Variants in TIMM10 observed in about 807,000 individuals in gnomAD.
The protein encoded by TIMM10 is mitochondrial import inner membrane translocase subunit Tim10.
A neutral mutation model predicts 9.1 loss-of-function variants in TIMM10; 13 were observed. That is an observed-to-expected ratio of 1.42 (90% confidence interval 0.93 to 2.26). The LOEUF (loss-of-function observed/expected upper bound fraction) is 2.26. Among genes scored for constraint, TIMM10 ranks in the 30% most tolerant of loss-of-function variants. The pLI is 0.00. For synonymous variants in TIMM10, 40 were observed against 42.1 expected (o/e 0.95, Z 0.20); for missense variants, 82 against 113.6 (o/e 0.72, Z 1.26).
At position 57,528,673 on chromosome 11, in the gene TIMM10, G is replaced by C; in HGVS notation, c.*44C>G. ...CAACAGGGAGCACGTTTATTAAAGT[G>C]GGAAGGGGTGGGGTACACCCCAGGG... On this transcript the variant is annotated 3_prime_UTR_variant, in exon 3 of 3. Coordinates refer to ENST00000257245, the MANE Select transcript of TIMM10 (RefSeq NM_012456.3). 6.3e-7 allele frequency: 1 copy of C among 1,596,530 alleles called. No individual in the cohort carries two copies. The highest frequency in any genetic ancestry group is 8.6e-7 in the Non-Finnish European group (1 of 1,165,894).
rs151056856 is a variant in TIMM10, at chr11:57,529,645, T to G, written c.71+474A>C. Among the ~76,000 whole-genome samples, 37 of 152,338 alleles carry G rather than the reference T, an allele frequency of 2.4e-4. No homozygotes were observed. In the East Asian group the frequency reaches 6.0e-3, roughly 25 times the overall value. On this transcript the variant is annotated intron_variant, in intron 2 of 2. Coordinates refer to ENST00000257245, the MANE Select transcript of TIMM10 (RefSeq NM_012456.3). The stretch of plus-strand genomic sequence containing the variant: ...GACTGAGGTGCTAGTTCTGGCATTG[T>G]TACTGACCAGCTGCCGACCCTAAGG...
intron 2 of TIMM10, 89 bp downstream of exon 2, chr11:57,530,030 C>T: frequency 6.8e-7 from 1 of 1,477,764 alleles, no homozygotes; most frequent in Non-Finnish European, 9.4e-7. Flanking sequence ...CCCCTACATT[C>T]AGGAAGGAAT....
chr11:57,530,017 G>T, intron 2 of TIMM10, 102 bp downstream of exon 2: 1 of 1,331,094 alleles, frequency 7.5e-7, no homozygotes, highest in East Asian at 2.4e-5. Context: ...TGGGCCTCAG[G>T]CTCCCCTACA....
Position 57,528,590 on chromosome 11 carries a change from G to A in TIMM10, c.*127C>T, listed in dbSNP as rs1197410615. 6 of 837,504 alleles carry A rather than the reference G, an allele frequency of 7.2e-6. No homozygotes were observed. Among genetic ancestry groups the A allele is most frequent in the East Asian group, 2.7e-5 (1 of 37,446 alleles). 51.9% of individuals were successfully genotyped at this position (837,504 alleles called of 1,614,324 possible). A position where few individuals can be genotyped will look rare whatever the true frequency, so the allele number is the denominator to read the frequency against. On this transcript the variant is annotated 3_prime_UTR_variant, in exon 3 of 3. Coordinates refer to ENST00000257245, the MANE Select transcript of TIMM10 (RefSeq NM_012456.3). The stretch of plus-strand genomic sequence containing the variant: ...CACCAGGAGACAGCGCTACCACTCC[G>A]GGATCTTGAAGACTCTCTACAGAGA...
Position 57,528,510 on chromosome 11 carries a change from T to C in TIMM10, c.*207A>G, listed in dbSNP as rs372263572. The C allele has an allele frequency of 2.0e-5, 4 of 204,916 alleles. No homozygotes were observed. Among genetic ancestry groups the C allele is most frequent in the African/African-American group, 7.6e-5 (2 of 26,224 alleles). The allele number at this position is 204,916 out of a possible 1,614,324, so 12.7% of individuals were successfully genotyped here. The stretch of plus-strand genomic sequence containing the variant: ...ATATATATATATATATATATATATA[T>C]ATATATACACATACATACACACACA... On this transcript the variant is annotated 3_prime_UTR_variant, in exon 3 of 3. Transcript: ENST00000257245.
chr11:57,529,714 C>T (rs902618557), intron 2 of TIMM10, among the ~76,000 whole-genome samples: 7 of 152,136 alleles, frequency 4.6e-5, no homozygotes, highest in Non-Finnish European at 8.8e-5. Flanking sequence ...CATTTTAAGA[C>T]GGGACTAATA....
rs1162261912 is a variant in TIMM10 at position 57,530,605 on chromosome 11, T to C, written c.-46+53A>G. ...CAGCCCAAAGGCTACACCTCTGAAA[T>C]GGCGACGCCATCATCAGGGCCACAT... On this transcript the variant is annotated intron_variant, in intron 1 of 2. Transcript: ENST00000257245. 7 of 187,808 alleles carry C rather than the reference T, an allele frequency of 3.7e-5. No individual in the cohort carries two copies. The South Asian group carries it at 6.1e-4, about 16-fold the overall frequency. 11.6% of individuals were successfully genotyped at this position (187,808 alleles called of 1,614,324 possible).
rs751163843 is a variant in TIMM10 at position 57,528,757 on chromosome 11, T to C, written c.233A>G (p.Glu78Gly). 6.2e-7 allele frequency: 1 copy of C among 1,614,012 alleles called. No homozygotes were observed. The highest frequency in any genetic ancestry group is 1.1e-5 in the South Asian group (1 of 91,070). The change falls in exon 3 of 3, where the codon GAG (glutamate) becomes GGG (glycine). Residue 78 changes from glutamate (E) to glycine (G), a missense_variant. Glu to Gly is a moderately conservative substitution (Grantham distance 98). Transcript: ENST00000257245. ...GCTCTGCTGCACCCTCTTCATCAGC[T>C]CTTCATCCTGCATAGACAACTCTGT... ...KLTELSMQDEELMKRVQQSSG... is the reference protein window; with the variant it reads ...KLTELSMQDEGLMKRVQQSSG...
rs775172964 is a variant in TIMM10, at chr11:57,530,197, T to C, written c.-8A>G. 5.0e-6 allele frequency: 8 copies of C among 1,613,888 alleles called. No homozygotes were observed. The highest frequency in any genetic ancestry group is 6.8e-6 in the Non-Finnish European group (8 of 1,179,950). On this transcript the variant is annotated 5_prime_UTR_variant, in exon 2 of 3. Transcript: ENST00000257245. ...GGCCCTGAGAGGATCCATCTCAGCCTAGCACCGTGGAAGGGATCTCCTTCT... is the reference window on the plus strand; with the variant it reads ...GGCCCTGAGAGGATCCATCTCAGCCCAGCACCGTGGAAGGGATCTCCTTCT...
chr11:57,529,185 T>C (rs990320967), intron 2 of TIMM10, among the ~76,000 whole-genome samples: 4 of 152,236 alleles, frequency 2.6e-5, no homozygotes, highest in African/African-American at 9.6e-5. Context: ...TGTTATGCAA[T>C]GCTTACAATA....
At position 57,530,260 on chromosome 11, in the gene TIMM10, C is replaced by T. The variant is rs556163781; in HGVS notation, c.-45-26G>A. 11 of 1,512,680 alleles carry T rather than the reference C, an allele frequency of 7.3e-6. No homozygotes were observed. In the African/African-American group the frequency reaches 1.1e-4, roughly 15 times the overall value. The allele number at this position is 1,512,680 out of a possible 1,614,324, so 93.7% of individuals were successfully genotyped here. On this transcript the variant is annotated intron_variant, in intron 1 of 2. Coordinates refer to ENST00000257245, the MANE Select transcript of TIMM10 (RefSeq NM_012456.3). ...CTGGGAGCAGACATCACCATCAGCA[C>T]CCACCGCCGCCGTTCACTCTCCTAC...
intron 1 of TIMM10, 178 bp from the exon 2 acceptor site, chr11:57,530,412 C>T: frequency 1.9e-6 from 1 of 525,624 alleles, no homozygotes; most frequent in Non-Finnish European, 3.5e-6. Context: ...TCGCACAGGA[C>T]GTCTATGGCG....
chr11:57,529,316 C>T (rs1944777831), intron 2 of TIMM10, among the ~76,000 whole-genome samples: 1 of 152,222 alleles, frequency 6.6e-6, no homozygotes, highest in Non-Finnish European at 1.5e-5. Context: ...ACCTCACAGT[C>T]TACACTTAAA....
In TIMM10 at chr11:57,530,754, T is replaced by C. The variant is rs888375448; in HGVS notation, c.-142A>G. On this transcript the variant is annotated 5_prime_UTR_variant, in exon 1 of 3. Coordinates refer to ENST00000257245, the MANE Select transcript of TIMM10 (RefSeq NM_012456.3). ...CCCGAGAGGCTCCAGCGGAAGCACG[T>C]GGGTTACTTCCGGGAGGAAAGTCCC... The C allele has an allele frequency of 6.6e-6, 1 of 152,514 alleles. No homozygotes were observed. The highest frequency in any genetic ancestry group is 1.5e-5 in the Non-Finnish European group (1 of 68,042). 9.4% of individuals were successfully genotyped at this position (152,514 alleles called of 1,614,324 possible).
At position 57,528,761 on chromosome 11, in the gene TIMM10, C is replaced by T; in HGVS notation, c.229G>A (p.Glu77Lys). Residue 77 changes from glutamate to lysine, a missense_variant, in exon 3 of 3, where the codon GAA becomes AAA. By Grantham distance (56) the Glu-to-Lys change is moderately conservative. Transcript: ENST00000257245. ...TGCTGCACCCTCTTCATCAGCTCTT[C>T]ATCCTGCATAGACAACTCTGTCAAC... ...KKLTELSMQD[E>K]ELMKRVQQSS... The T allele has an allele frequency of 6.2e-7, 1 of 1,614,070 alleles. No individual in the cohort carries two copies. The highest frequency in any genetic ancestry group is 8.5e-7 in the Non-Finnish European group (1 of 1,180,026).
At position 57,528,678 on chromosome 11, in the gene TIMM10, G is replaced by A. The variant is rs745894555; in HGVS notation, c.*39C>T. 4 of 1,599,952 alleles carry A rather than the reference G, an allele frequency of 2.5e-6. No individual in the cohort carries two copies. The highest frequency in any genetic ancestry group is 2.2e-5 in the East Asian group (1 of 44,784). ...GGGAGCACGTTTATTAAAGTGGGAA[G>A]GGGTGGGGTACACCCCAGGGTGTAT... On this transcript the variant is annotated 3_prime_UTR_variant, in exon 3 of 3. Coordinates refer to ENST00000257245, the MANE Select transcript of TIMM10 (RefSeq NM_012456.3).
rs917677797 is a variant in TIMM10, at chr11:57,528,469, G to A, written c.*248C>T. ...GCACACTGCTTTGCACATAGTAGGTGTCAACAAACTTGTTTATATATATAT... is the reference window on the plus strand; with the variant it reads ...GCACACTGCTTTGCACATAGTAGGTATCAACAAACTTGTTTATATATATAT... On this transcript the variant is annotated 3_prime_UTR_variant, in exon 3 of 3. Transcript: ENST00000257245. 17 of 160,956 alleles carry A rather than the reference G, an allele frequency of 1.1e-4. No homozygotes were observed. Among genetic ancestry groups the A allele is most frequent in the Non-Finnish European group, 2.0e-4 (16 of 79,452 alleles). The allele number at this position is 160,956 out of a possible 1,614,324, so 10.0% of individuals were successfully genotyped here.
intron 2 of TIMM10, 135 bp downstream of exon 2, chr11:57,529,984 G>T (rs1944782841): frequency 2.4e-6 from 2 of 847,758 alleles, no homozygotes; most frequent in Non-Finnish European, 3.9e-6. Context: ...CAACCTTGAA[G>T]GTGGGTGTGG....
At chr11:57,530,027 A>G in intron 2 of TIMM10, 92 bp downstream of exon 2, 1 of 1,458,192 alleles carries the variant, frequency 6.9e-7, no homozygotes, top group African/African-American at 1.4e-5. Flanking sequence ...GCTCCCCTAC[A>G]TTCAGGAAGG....
Sources: allele counts gnomAD v4.1 joint callset (sites outside exome capture counted in the v4.1 genomes callset), GRCh38; gene constraint gnomAD v4.1.1; transcripts MANE v1.5; gene names NCBI Gene and HGNC (gene_info 2026-07-23, HGNC 2026-07-21).